The following PDE4B variants were observed in gnomAD, a reference collection of about 807,000 sequenced individuals.
PDE4B encodes 3',5'-cyclic-AMP phosphodiesterase 4B.
In PDE4B, 20 loss-of-function variants were observed where a neutral mutation model predicts 82.2. The ratio of observed to expected loss-of-function variants is 0.24; its 90% CI spans 0.17 to 0.35. The LOEUF (loss-of-function observed/expected upper bound fraction) is 0.35, where lower values mean the gene tolerates loss of function less well. PDE4B is among the 10% of genes least tolerant of loss of function. The pLI is 1.00. For synonymous variants in PDE4B, 320 were observed against 318.9 expected, an observed-to-expected ratio of 1.00 and a Z score of -0.04; for missense variants, 655 against 907.2, an observed-to-expected ratio of 0.72 and a Z score of 3.57.
chr1:66,089,968 A>G (rs879786115), intron 3 of PDE4B, among the ~76,000 whole-genome samples: 5 of 152,092 alleles, frequency 3.3e-5, no homozygotes, highest in Non-Finnish European at 4.4e-5. Context: ...TTCAAAATCT[A>G]CTTATGGAAA....
chr1:65,984,340 C>G (rs943303325), intron 3 of PDE4B, among the ~76,000 whole-genome samples: 7 of 152,106 alleles, frequency 4.6e-5, no homozygotes, highest in African/African-American at 1.7e-4. Flanking sequence ...AAGGATGTGA[C>G]TATAAAGGTG....
intron 3 of PDE4B, among the ~76,000 whole-genome samples, chr1:66,149,783 T>A (rs1377035277): frequency 6.6e-6 from 1 of 152,134 alleles, no homozygotes; most frequent in Non-Finnish European, 1.5e-5. Flanking sequence ...ATCCCAGGAG[T>A]TTGAGGATGC....
chr1:65,895,575 A>C (rs1290685474), intron 1 of PDE4B, among the ~76,000 whole-genome samples: 4 of 148,322 alleles, frequency 2.7e-5, no homozygotes, highest in African/African-American at 4.9e-5. Context: ...AAAAAAAGAC[A>C]CTTCAACCAC....
intron 1 of PDE4B, among the ~76,000 whole-genome samples, chr1:65,885,721 G>T (rs2100360434): frequency 6.6e-6 from 1 of 151,372 alleles, no homozygotes; most frequent in East Asian, 1.9e-4. Flanking sequence ...TGGGGTGGGG[G>T]AAGTGGGGAG....
intron 3 of PDE4B, among the ~76,000 whole-genome samples, chr1:66,215,995 C>A (rs1414655482): frequency 2.0e-5 from 3 of 151,952 alleles, no homozygotes; most frequent in Admixed American, 6.6e-5. Context: ...AAAGTGCTTG[C>A]AAAGTCATGG....
chr1:66,026,243 T>G (rs891516406), intron 3 of PDE4B, among the ~76,000 whole-genome samples: 3 of 152,218 alleles, frequency 2.0e-5, no homozygotes, highest in African/African-American at 7.2e-5. Context: ...ATGCCTACAC[T>G]TTCAGCTTTG....
intron 3 of PDE4B, among the ~76,000 whole-genome samples, chr1:66,127,862 T>C (rs1645855668): frequency 6.6e-6 from 1 of 152,214 alleles, no homozygotes; most frequent in Admixed American, 6.5e-5. Flanking sequence ...ACTCCAATTA[T>C]GTCTTTCTCA....
chr1:66,194,048 C>A (rs1167425028), intron 3 of PDE4B, among the ~76,000 whole-genome samples: 1 of 151,692 alleles, frequency 6.6e-6, no homozygotes, highest in East Asian at 1.9e-4. Flanking sequence ...CATAGCTAAC[C>A]TAAATCCCTA....
chr1:66,332,121 A>G (rs1285263513), intron 7 of PDE4B: 1 of 1,264,694 alleles, frequency 7.9e-7, no homozygotes, highest in African/African-American at 1.5e-5. Flanking sequence ...ACATACCCTA[A>G]AGAACCCTGG....
chr1:65,932,094 G>C (rs1292139112), intron 3 of PDE4B, among the ~76,000 whole-genome samples: 2 of 152,030 alleles, frequency 1.3e-5, no homozygotes, highest in African/African-American at 4.8e-5. Context: ...GCTTCCCAAA[G>C]GACTTCCTCT....
At chr1:66,266,873 C>A (rs1330289295) in intron 7 of PDE4B, 12 of 331,286 alleles carry the variant, frequency 3.6e-5, no homozygotes, top group African/African-American at 2.4e-4. Flanking sequence ...AGAAAAACCA[C>A]AGGAGAAACA....
intron 1 of PDE4B, among the ~76,000 whole-genome samples, chr1:65,880,074 G>C (rs1218552898): frequency 6.6e-6 from 1 of 152,162 alleles, no homozygotes; most frequent in Non-Finnish European, 1.5e-5. Flanking sequence ...GTCTGTGTCT[G>C]GCTTGTTACT....
At chr1:65,816,963 C>T (rs1645893009) in intron 1 of PDE4B, among the ~76,000 whole-genome samples, 1 of 152,156 alleles carries the variant, frequency 6.6e-6, no homozygotes, top group African/African-American at 2.4e-5. Flanking sequence ...GTGCTCCAGA[C>T]TTGTAGCTGA....
intron 3 of PDE4B, among the ~76,000 whole-genome samples, chr1:66,210,779 TAA>T (rs67425532): frequency 6.6e-6 from 1 of 151,836 alleles, no homozygotes; most frequent in Admixed American, 6.6e-5. Context: ...CAAAGTCATA[TAA>T]AAAAAATCAA....
At chr1:65,850,171 A>G (rs1479324278) in intron 1 of PDE4B, among the ~76,000 whole-genome samples, 1 of 146,156 alleles carries the variant, frequency 6.8e-6, no homozygotes, top group Admixed American at 7.0e-5. Context: ...CTGGAGTGCA[A>G]CTGCAACCTC....
chr1:65,897,199 T>C (rs1368064514), intron 1 of PDE4B, among the ~76,000 whole-genome samples: 4 of 152,158 alleles, frequency 2.6e-5, no homozygotes, highest in Non-Finnish European at 5.9e-5. Flanking sequence ...ACAGTTACTA[T>C]GGACAGAATT....
At chr1:66,069,947 ATTC>A (rs577862183) in intron 3 of PDE4B, among the ~76,000 whole-genome samples, 140 of 152,036 alleles carry the variant, frequency 9.2e-4, no homozygotes, top group African/African-American at 3.1e-3. Flanking sequence ...TATTCCTTCC[ATTC>A]TTCCTTATAT....
At chr1:65,959,589 T>G (rs1176042627) in intron 3 of PDE4B, among the ~76,000 whole-genome samples, 1 of 152,128 alleles carries the variant, frequency 6.6e-6, no homozygotes, top group African/African-American at 2.4e-5. Context: ...ATAGCTTAGA[T>G]TCTTTATTTG....
chr1:66,163,768 A>AT (rs552173060), intron 3 of PDE4B, among the ~76,000 whole-genome samples: 15 of 152,294 alleles, frequency 9.8e-5, no homozygotes, highest in African/African-American at 3.4e-4. Flanking sequence ...CTGTTTAAGT[A>AT]TTTAACAGCT....
Sources: gnomAD v4.1 joint callset for allele counts (sites outside exome capture counted in the v4.1 genomes callset) on GRCh38, gnomAD v4.1.1 for gene constraint, MANE v1.5 for transcripts, NCBI Gene and HGNC (gene_info 2026-07-23, HGNC 2026-07-21) for gene names.